The following EPB41L2 variants were observed in gnomAD, a reference collection of about 807,000 sequenced individuals.
EPB41L2 encodes the protein band 4.1-like protein 2.
Under a neutral mutation model 113.0 loss-of-function variants are expected in EPB41L2, and 43 were observed. That is an observed-to-expected ratio of 0.38 (90% confidence interval 0.30 to 0.49). The LOEUF (loss-of-function observed/expected upper bound fraction) is 0.49. EPB41L2 is among the 20% of genes least tolerant of loss of function. The pLI, the probability that EPB41L2 is intolerant of heterozygous loss-of-function variation, is 0.95. For synonymous variants in EPB41L2, 442 were observed against 436.7 expected, an observed-to-expected ratio of 1.01 and a Z score of -0.15; for missense variants, 1,147 against 1,223.4, an observed-to-expected ratio of 0.94 and a Z score of 0.93.
chr6:130,997,148 T>C (rs1783326453), intron 1 of EPB41L2, among the ~76,000 whole-genome samples: 1 of 152,232 alleles, frequency 6.6e-6, no homozygotes, highest in Non-Finnish European at 1.5e-5. Context: ...AGAGGACTTT[T>C]CTTTAAGTTA....
At chr6:130,854,253 G>A (rs1276941834) in intron 19 of EPB41L2, among the ~76,000 whole-genome samples, 1 of 151,468 alleles carries the variant, frequency 6.6e-6, no homozygotes, top group Non-Finnish European at 1.5e-5. Flanking sequence ...CAAGGAGGGG[G>A]ACCATGTTTG....
At chr6:131,012,128 C>G (rs537995173) in intron 1 of EPB41L2, among the ~76,000 whole-genome samples, 5 of 151,918 alleles carry the variant, frequency 3.3e-5, no homozygotes, top group African/African-American at 1.2e-4. Flanking sequence ...TCACTTTAAC[C>G]CAGGAGGCAG....
intron 16 of EPB41L2, 144 bp downstream of exon 16, chr6:130,867,315 T>C: frequency 1.9e-6 from 2 of 1,049,994 alleles, no homozygotes; most frequent in South Asian, 1.6e-5. Context: ...TAGCAAATTA[T>C]GTTGTTGAAG....
chr6:131,009,128 C>T (rs1247803362), intron 1 of EPB41L2, among the ~76,000 whole-genome samples: 2 of 152,142 alleles, frequency 1.3e-5, no homozygotes, highest in African/African-American at 4.8e-5. Context: ...GTAATAATCC[C>T]TATGTGTCAA....
At position 130,840,405 on chromosome 6, in the gene EPB41L2, A is replaced by G. The variant is rs1775096237; in HGVS notation, c.*199T>C. On this transcript the variant is annotated 3_prime_UTR_variant, in exon 20 of 20. Coordinates refer to ENST00000337057, the MANE Select transcript of EPB41L2 (RefSeq NM_001431.4). The stretch of plus-strand genomic sequence containing the variant: ...TGGTTATAAAACAAAATAATATATT[A>G]AATGCATGGGAGCAATATAGACCAG... 1 of 152,234 alleles carries G rather than the reference A, an allele frequency of 6.6e-6. No homozygotes were observed. Among genetic ancestry groups the G allele is most frequent in the South Asian group, 2.1e-4 (1 of 4,834 alleles). The allele number at this position is 152,234 out of a possible 1,614,324, so 9.4% of individuals were successfully genotyped here.
At chr6:130,937,974 C>A (rs902781287) in intron 3 of EPB41L2, among the ~76,000 whole-genome samples, 1 of 152,162 alleles carries the variant, frequency 6.6e-6, no homozygotes, top group Non-Finnish European at 1.5e-5. Context: ...ACAAGCCAGA[C>A]CCATTGAAAC....
chr6:130,896,029 T>C (rs1396277801), intron 8 of EPB41L2, among the ~76,000 whole-genome samples: 1 of 152,188 alleles, frequency 6.6e-6, no homozygotes, highest in Non-Finnish European at 1.5e-5. Flanking sequence ...GACATTCACA[T>C]TTTCAGAAAT....
intron 19 of EPB41L2, among the ~76,000 whole-genome samples, chr6:130,852,871 C>T (rs1234034315): frequency 6.6e-6 from 1 of 152,190 alleles, no homozygotes; most frequent in Non-Finnish European, 1.5e-5. Context: ...AGGTTCAATG[C>T]TTCCAATCCT....
At position 130,926,668 on chromosome 6, in the gene EPB41L2, T is replaced by A. The variant is rs765960310; in HGVS notation, c.747A>T (p.Glu249Asp). The A allele has an allele frequency of 2.5e-6, 4 of 1,609,358 alleles. No individual in the cohort carries two copies. The highest frequency in any genetic ancestry group is 3.4e-6 in the Non-Finnish European group (4 of 1,178,984). The change falls in exon 4 of 20, where the codon GAA becomes GAT. Residue 249 changes from glutamate (E) to aspartate (D), a missense_variant. Transcript: ENST00000337057. ...KGQVLFDKVCEHLNLLEKDYF... is the reference protein window; with the variant it reads ...KGQVLFDKVCDHLNLLEKDYF... ...AGTCTTTCTCCAAGAGATTGAGGTG[T>A]TCACACACTTTGTCAAATAACACTT...
In EPB41L2 at chr6:130,869,963, G is replaced by A. The variant is rs755692646; in HGVS notation, c.2207C>T (p.Ser736Phe). ...VEPVTQKDST[S>F]LSSESSSSSS... ...GCTGCTGCTGCTCTCAGAAGACAGG[G>A]AGGTGGAGTCTTTTTGTGTCACAGG... The change falls in exon 15 of 20, where the codon TCC becomes TTC. Residue 736 changes from serine (S) to phenylalanine (F), a missense_variant. Coordinates refer to ENST00000337057, the MANE Select transcript of EPB41L2 (RefSeq NM_001431.4). 108 of 1,613,502 alleles carry A rather than the reference G, an allele frequency of 6.7e-5. 1 individual carries two copies. Among genetic ancestry groups the A allele is most frequent in the Non-Finnish European group, 1.2e-5 (14 of 1,180,028 alleles).
chr6:130,955,578 A>T (rs1044853035), intron 2 of EPB41L2, among the ~76,000 whole-genome samples: 4 of 152,152 alleles, frequency 2.6e-5, no homozygotes, highest in African/African-American at 7.2e-5. Context: ...CAATTTAAGT[A>T]TCATCTCAAA....
chr6:131,054,964 G>A (rs1797330912), intron 1 of EPB41L2, among the ~76,000 whole-genome samples: 1 of 152,230 alleles, frequency 6.6e-6, no homozygotes, highest in African/African-American at 2.4e-5. Flanking sequence ...CTTTGGGCAT[G>A]ACTGCCTTCA....
intron 16 of EPB41L2, among the ~76,000 whole-genome samples, chr6:130,867,025 T>C (rs144637106): frequency 8.9e-4 from 136 of 152,190 alleles, no homozygotes; most frequent in African/African-American, 3.0e-3. Context: ...AATGAGTTGA[T>C]TGGGTCAATC....
intron 3 of EPB41L2, among the ~76,000 whole-genome samples, chr6:130,954,732 G>A (rs981935887): frequency 1.7e-4 from 26 of 152,208 alleles, no homozygotes; most frequent in African/African-American, 6.0e-4. Flanking sequence ...GCCAGTATCT[G>A]TCTCAGGATA....
intron 12 of EPB41L2, chr6:130,881,336 G>A (rs1381384786): frequency 1.3e-5 from 2 of 152,096 alleles, no homozygotes; most frequent in South Asian, 2.1e-4. Flanking sequence ...TAAGCAAGGA[G>A]CTCAGAGTCT....
At chr6:130,923,733 A>C in intron 4 of EPB41L2, among the ~76,000 whole-genome samples, 1 of 152,342 alleles carries the variant, frequency 6.6e-6, no homozygotes, top group South Asian at 2.1e-4. Flanking sequence ...AAGCAGGGGC[A>C]TCTCTGAGGG....
intron 13 of EPB41L2, among the ~76,000 whole-genome samples, chr6:130,879,889 G>A (rs960916672): frequency 5.9e-5 from 9 of 152,284 alleles, no homozygotes; most frequent in South Asian, 2.1e-4. Flanking sequence ...CAAGAGTACT[G>A]GATAAAAACT....
chr6:130,974,664 C>G (rs1321586133), intron 1 of EPB41L2, among the ~76,000 whole-genome samples: 1 of 150,732 alleles, frequency 6.6e-6, no homozygotes. Context: ...TTTGGTCTGC[C>G]CTCAAAGCCA....
chr6:130,899,398 C>A, intron 8 of EPB41L2, 93 bp downstream of exon 8: 1 of 1,005,346 alleles, frequency 9.9e-7, no homozygotes, highest in Non-Finnish European at 1.5e-6. Context: ...ATCCTTTTCC[C>A]AAAAATAAGC....
Sources: gnomAD v4.1 joint callset for allele counts (sites outside exome capture counted in the v4.1 genomes callset) on GRCh38, gnomAD v4.1.1 for gene constraint, MANE v1.5 for transcripts, NCBI Gene and HGNC (gene_info 2026-07-23, HGNC 2026-07-21) for gene names.